Variants in REPS1 observed in about 807,000 individuals in gnomAD.
REPS1 encodes ralBP1-associated Eps domain-containing protein 1.
Under a neutral mutation model 100.9 loss-of-function variants are expected in REPS1, and 39 were observed. The observed-to-expected ratio is 0.39, with a 90% CI of 0.30 to 0.50. The LOEUF (loss-of-function observed/expected upper bound fraction) is 0.50. Among genes scored for constraint, REPS1 ranks in the 20% least tolerant of loss-of-function variants. The pLI, the probability that REPS1 is intolerant of heterozygous loss-of-function variation, is 0.86. For synonymous variants in REPS1, 324 were observed against 340.3 expected (o/e 0.95, Z 0.53); for missense variants, 821 against 968.5 (o/e 0.85, Z 2.02).
chr6:138,930,694 T>C (rs1253154756), intron 8 of REPS1, among the ~76,000 whole-genome samples: 1 of 152,102 alleles, frequency 6.6e-6, no homozygotes, highest in Non-Finnish European at 1.5e-5. Context: ...AATTCACTCA[T>C]ATATCCTCTA....
intron 15 of REPS1, among the ~76,000 whole-genome samples, 192 bp from the exon 16 acceptor site, chr6:138,913,142 TA>T (rs1010921897): frequency 4.7e-5 from 7 of 148,926 alleles, no homozygotes; most frequent in South Asian, 2.1e-4. Context: ...GCTAAGACAC[TA>T]AAAAAAAAAT....
chr6:138,928,925 T>G (rs1323435530), intron 9 of REPS1: 1 of 152,192 alleles, frequency 6.6e-6, no homozygotes, highest in East Asian at 1.9e-4. Flanking sequence ...TGTGATGTTA[T>G]AATGTCTCAG....
chr6:138,951,727 T>C (rs1459561920), intron 1 of REPS1, among the ~76,000 whole-genome samples: 1 of 152,180 alleles, frequency 6.6e-6, no homozygotes, highest in Non-Finnish European at 1.5e-5. Flanking sequence ...CTCATATGTT[T>C]TTCAGTTTCT....
chr6:138,980,146 C>A (rs753943205), intron 1 of REPS1, among the ~76,000 whole-genome samples: 2 of 152,118 alleles, frequency 1.3e-5, no homozygotes, highest in Non-Finnish European at 2.9e-5. Context: ...CCTATTTATG[C>A]CTTCGTATTT....
Position 138,987,869 on chromosome 6 carries a change from G to T in REPS1, c.-187C>A. ...CCCGGAGGTCGCGAGGAGGGGGCCCGGCTGCGCTCGCCGCGCCGCTGCCTG... is the reference window on the plus strand; with the variant it reads ...CCCGGAGGTCGCGAGGAGGGGGCCCTGCTGCGCTCGCCGCGCCGCTGCCTG... On this transcript the variant is annotated 5_prime_UTR_variant, in exon 1 of 20. Transcript: ENST00000450536. The T allele has an allele frequency of 1.8e-6, 1 of 556,574 alleles. No individual in the cohort carries two copies. The highest frequency in any genetic ancestry group is 2.7e-6 in the Non-Finnish European group (1 of 374,892). The allele number at this position is 556,574 out of a possible 1,614,324, so 34.5% of individuals were successfully genotyped here.
At chr6:138,938,820 T>C (rs1782038768) in intron 8 of REPS1, among the ~76,000 whole-genome samples, 2 of 151,514 alleles carry the variant, frequency 1.3e-5, no homozygotes, top group Non-Finnish European at 2.9e-5. Context: ...CTCTTAACCG[T>C]GACCTTTTAA....
chr6:138,923,961 T>C (rs551092086), intron 10 of REPS1, among the ~76,000 whole-genome samples: 1 of 152,316 alleles, frequency 6.6e-6, no homozygotes, highest in East Asian at 1.9e-4. Flanking sequence ...ATGTGCCTTA[T>C]TTACTTACTT....
chr6:138,945,582 G>T lies in REPS1; in HGVS notation c.393C>A (p.Pro131=). The change falls in exon 3 of 20, where the codon CCC becomes CCA. Residue 131 remains proline (P), a synonymous_variant. Transcript: ENST00000450536. ...TCACTTGCCCCCTGCCAGGTGGTGG[G>T]GGAATTACACCAGAATACGACCCTT... is the stretch of plus-strand genomic sequence containing the variant. The part of the protein sequence containing the change: ...ENQGSYSGVI[P]PPPGRGQVKK... 1 of 1,613,668 alleles carries T rather than the reference G, an allele frequency of 6.2e-7. No homozygotes were observed. Among genetic ancestry groups the T allele is most frequent in the Non-Finnish European group, 8.5e-7 (1 of 1,179,866 alleles).
At chr6:138,948,706 T>C (rs1375547115) in intron 1 of REPS1, among the ~76,000 whole-genome samples, 9 of 152,224 alleles carry the variant, frequency 5.9e-5, no homozygotes, top group Non-Finnish European at 1.2e-4. Flanking sequence ...GCATGCCTGT[T>C]GTATCTTTTC....
intron 1 of REPS1, among the ~76,000 whole-genome samples, chr6:138,952,004 T>C (rs554171301): frequency 6.6e-6 from 1 of 152,174 alleles, no homozygotes; most frequent in African/African-American, 2.4e-5. Context: ...ACTGCTCCCA[T>C]TAGATTTCTA....
chr6:138,915,613 C>A (rs181564897), intron 14 of REPS1, among the ~76,000 whole-genome samples: 1 of 151,814 alleles, frequency 6.6e-6, no homozygotes, highest in African/African-American at 2.4e-5. Context: ...TCACTACATC[C>A]GGCTAATTTT....
intron 9 of REPS1, chr6:138,929,164 AT>A (rs1781331394): frequency 6.6e-6 from 1 of 152,234 alleles, no homozygotes; most frequent in Admixed American, 6.5e-5. Context: ...AAGAAAAAAA[AT>A]AAGAAAAAAA....
rs375976282 is a variant in REPS1, at chr6:138,933,065, T to C, written c.1136-2967A>G. ...TTTACAAATATCCAATGCATTACGG[T>C]ATAAAATCAAGTTAAAGTACAAAAA... On this transcript the variant is annotated intron_variant, in intron 8 of 19. Transcript: ENST00000450536. 2.0e-5 allele frequency among the ~76,000 whole-genome samples: 3 copies of C among 152,306 alleles called. 1 individual carries two copies.
At chr6:138,956,702 C>CA (rs1404932268) in intron 1 of REPS1, among the ~76,000 whole-genome samples, 4 of 152,168 alleles carry the variant, frequency 2.6e-5, no homozygotes, top group African/African-American at 9.6e-5. Flanking sequence ...ACACAGAACT[C>CA]AGTCAGTTTT....
At chr6:138,952,720 C>A (rs555996543) in intron 1 of REPS1, among the ~76,000 whole-genome samples, 2 of 151,800 alleles carry the variant, frequency 1.3e-5, no homozygotes, top group East Asian at 3.9e-4. Flanking sequence ...TGATTTTTGA[C>A]AAAGGTGCCA....
chr6:138,908,955 T>G, intron 17 of REPS1, 139 bp from the exon 18 acceptor site: 1 of 737,580 alleles, frequency 1.4e-6, no homozygotes, highest in Non-Finnish European at 2.2e-6. Context: ...ATCTATATAT[T>G]TGTGGCAAGA....
chr6:138,968,503 G>T (rs889121639), intron 1 of REPS1, among the ~76,000 whole-genome samples: 1 of 148,982 alleles, frequency 6.7e-6, no homozygotes, highest in Non-Finnish European at 1.5e-5. Flanking sequence ...CCAAAGCCTG[G>T]TTTTTTTCCA....
rs776393654 is a variant in REPS1, at chr6:138,945,577, G to C, written c.398C>G (p.Pro133Arg). Residue 133 changes from proline (P) to arginine (R), a missense_variant, in exon 3 of 20, where the codon CCA becomes CGA. Physicochemically the swap from Pro to Arg is moderately radical, Grantham distance 103. Transcript: ENST00000450536. ...CTTTTTCACTTGCCCCCTGCCAGGT[G>C]GTGGGGGAATTACACCAGAATACGA... ...QGSYSGVIPPPPGRGQVKKGS... is the reference protein window; with the variant it reads ...QGSYSGVIPPRPGRGQVKKGS... 43 of 1,613,520 alleles carry C rather than the reference G, an allele frequency of 2.7e-5. 1 individual carries two copies. The highest frequency in any genetic ancestry group is 3.4e-5 in the Non-Finnish European group (40 of 1,179,876).
chr6:138,941,366 C>T lies in REPS1; in HGVS notation c.1104G>A (p.Met368Ile). The change falls in exon 8 of 20, where the codon ATG (methionine) becomes ATA (isoleucine). Residue 368 changes from methionine to isoleucine, a missense_variant. By Grantham distance (10) the Met-to-Ile change is conservative. Transcript: ENST00000450536. ...DLPEKLPESL[M>I]PKLIDLEDSA... is the part of the protein sequence containing the mutation. ...AATCTTCCAAATCAATCAGTTTGGG[C>T]ATTAAGCTTTCAGGAAGTTTTTCTG... 1 of 1,614,068 alleles carries T rather than the reference C, an allele frequency of 6.2e-7. No homozygotes were observed.
Sources: gnomAD v4.1 joint callset for allele counts (sites outside exome capture counted in the v4.1 genomes callset) on GRCh38, gnomAD v4.1.1 for gene constraint, MANE v1.5 for transcripts, NCBI Gene and HGNC (gene_info 2026-07-23, HGNC 2026-07-21) for gene names.